JMJD1C: variants seen among roughly 807,000 people sequenced by gnomAD.
JMJD1C encodes jumonji domain containing 1C.
Under a neutral mutation model 245.3 loss-of-function variants are expected in JMJD1C, and 31 were observed. That is an observed-to-expected ratio of 0.13 (90% confidence interval 0.09 to 0.17). The LOEUF is 0.17. JMJD1C is among the 10% of genes least tolerant of loss of function. The pLI, the probability that JMJD1C is intolerant of heterozygous loss-of-function variation, is 1.00. For missense variants in JMJD1C, 2,691 were observed against 3,000.2 expected (o/e 0.90, Z 2.41); for synonymous variants, 1,057 against 1,017.4 (o/e 1.04, Z -0.74).
At chr10:63,175,169 T>A (rs1053343919) in intron 24 of JMJD1C, among the ~76,000 whole-genome samples, 5 of 152,186 alleles carry the variant, frequency 3.3e-5, no homozygotes, top group African/African-American at 1.2e-4. Context: ...TAGGCTCTTC[T>A]TTTGAGAGCA....
At chr10:63,181,699 A>G (rs1014873340) in intron 22 of JMJD1C, among the ~76,000 whole-genome samples, 3 of 152,220 alleles carry the variant, frequency 2.0e-5, no homozygotes, top group East Asian at 1.9e-4. Flanking sequence ...GGGGATATGC[A>G]TAAACAAAGA....
chr10:63,311,793 G>A lies in JMJD1C; in HGVS notation c.334-47029C>T, dbSNP rs1939234059. On this transcript the variant is annotated intron_variant, in intron 2 of 25. Coordinates refer to ENST00000399262, the MANE Select transcript of JMJD1C (RefSeq NM_032776.3). ...TGATTACTGATGGAGAAAGAGGAGAGCTGGATTAAAAAGAAGTACAAGAAC... is the reference window on the plus strand; with the variant it reads ...TGATTACTGATGGAGAAAGAGGAGAACTGGATTAAAAAGAAGTACAAGAAC... 2.0e-5 allele frequency among the ~76,000 whole-genome samples: 3 copies of A among 152,262 alleles called. No homozygotes were observed. In the South Asian group the frequency reaches 6.2e-4, roughly 32 times the overall value.
chr10:63,416,869 G>T (rs1333338621), intron 1 of JMJD1C, among the ~76,000 whole-genome samples: 2 of 152,004 alleles, frequency 1.3e-5, no homozygotes, highest in African/African-American at 2.4e-5. Context: ...CTAAACAATT[G>T]ATTTTTCAAT....
intron 10 of JMJD1C, among the ~76,000 whole-genome samples, chr10:63,205,191 T>G (rs535874289): frequency 6.6e-6 from 1 of 152,344 alleles, no homozygotes; most frequent in African/African-American, 2.4e-5. Context: ...GGCAATTCTT[T>G]AACATCGAAA....
chr10:63,287,214 A>C (rs967033229), intron 2 of JMJD1C, among the ~76,000 whole-genome samples: 6 of 152,226 alleles, frequency 3.9e-5, no homozygotes, highest in African/African-American at 1.4e-4. Flanking sequence ...AGGATTAGGA[A>C]GTTTTATTCA....
chr10:63,170,987 T>C (rs1374828073), intron 24 of JMJD1C, among the ~76,000 whole-genome samples: 1 of 152,232 alleles, frequency 6.6e-6, no homozygotes, highest in African/African-American at 2.4e-5. Context: ...AAGGTTATTA[T>C]ATTGACACTG....
intron 2 of JMJD1C, among the ~76,000 whole-genome samples, chr10:63,336,900 G>A (rs912246383): frequency 6.6e-6 from 1 of 152,004 alleles, no homozygotes. Context: ...GAGTGCAGTT[G>A]CGTGATTTTG....
intron 2 of JMJD1C, among the ~76,000 whole-genome samples, chr10:63,354,710 T>A (rs61853561): frequency 6.6e-6 from 1 of 151,766 alleles, no homozygotes; most frequent in East Asian, 1.9e-4. Flanking sequence ...AATTTTAATA[T>A]ATCTGAATTA....
chr10:63,207,575 T>C lies in JMJD1C; in HGVS notation c.4094A>G (p.His1365Arg), dbSNP rs1564606985. The part of the protein sequence containing the change: ...ILPNVNSDSV[H>R]TKSEKNFQAV... ...CTGAAAGTTTTTTTCAGATTTTGTG[T>C]GAACACTGTCTGAATTCACATTTGG... The change falls in exon 10 of 26, where the codon CAC (histidine) becomes CGC (arginine). Residue 1365 changes from histidine to arginine, a missense_variant. Physicochemically the swap from His to Arg is conservative, Grantham distance 29 (BLOSUM62 0). Coordinates refer to ENST00000399262, the MANE Select transcript of JMJD1C (RefSeq NM_032776.3). The C allele has an allele frequency of 5.0e-6, 8 of 1,614,238 alleles. No homozygotes were observed. Among genetic ancestry groups the C allele is most frequent in the Admixed American group, 1.7e-5 (1 of 60,028 alleles).
At chr10:63,222,687 G>A in intron 3 of JMJD1C, 1 of 1,540,216 alleles carries the variant, frequency 6.5e-7, no homozygotes, top group Non-Finnish European at 9.0e-7. Flanking sequence ...TCATTTGATG[G>A]TACCAAAGAA....
intron 3 of JMJD1C, among the ~76,000 whole-genome samples, chr10:63,251,411 G>A (rs1445198716): frequency 1.3e-5 from 2 of 152,108 alleles, no homozygotes; most frequent in Non-Finnish European, 2.9e-5. Context: ...GAATATATTA[G>A]TATTCCTATT....
At chr10:63,427,510 G>A in intron 1 of JMJD1C, 1 of 1,330,582 alleles carries the variant, frequency 7.5e-7, no homozygotes, top group Non-Finnish European at 1.1e-6. Context: ...ACTGTTTCCT[G>A]CCAATGTTCT....
chr10:63,294,739 A>AAAAAC (rs1456767834), intron 2 of JMJD1C, among the ~76,000 whole-genome samples: 1 of 152,222 alleles, frequency 6.6e-6, no homozygotes. Context: ...CTTGTTATTT[A>AAAAAC]TGCATGTATC....
At chr10:63,448,904 G>A (rs1196946781) in intron 1 of JMJD1C, among the ~76,000 whole-genome samples, 1 of 152,122 alleles carries the variant, frequency 6.6e-6, no homozygotes, top group Admixed American at 6.5e-5. Context: ...ATCACCTGAA[G>A]TCAGGAGTTC....
At chr10:63,254,783 C>T (rs1853623618) in intron 3 of JMJD1C, among the ~76,000 whole-genome samples, 2 of 152,036 alleles carry the variant, frequency 1.3e-5, no homozygotes, top group South Asian at 4.1e-4. Flanking sequence ...CTCCTGAGCT[C>T]AAGTGATCTG....
At chr10:63,237,917 T>A (rs1207873929) in intron 3 of JMJD1C, among the ~76,000 whole-genome samples, 2 of 142,406 alleles carry the variant, frequency 1.4e-5, no homozygotes, top group African/African-American at 2.6e-5. Flanking sequence ...ATGCCTGTAA[T>A]CCTAGCACTT....
At chr10:63,180,711 T>G (rs112786043) in intron 22 of JMJD1C, among the ~76,000 whole-genome samples, 1 of 152,200 alleles carries the variant, frequency 6.6e-6, no homozygotes, top group African/African-American at 2.4e-5. Flanking sequence ...CAAGCAATTC[T>G]CCTGCCTCAG....
chr10:63,521,813 G>A, exon 1 of JMJD1C: 2 of 256,680 alleles, frequency 7.8e-6, no homozygotes, highest in African/African-American at 2.5e-5. Flanking sequence ...CGACGGCGGC[G>A]GCGGCTGTGG....
intron 2 of JMJD1C, among the ~76,000 whole-genome samples, chr10:63,365,360 A>T (rs1009922292): frequency 2.6e-5 from 4 of 152,242 alleles, no homozygotes; most frequent in Admixed American, 6.5e-5. Flanking sequence ...CAAATCTTAA[A>T]TTGTCTGATC....
Sources: allele counts gnomAD v4.1 joint callset (sites outside exome capture counted in the v4.1 genomes callset), GRCh38; gene constraint gnomAD v4.1.1; transcripts MANE v1.5; gene names NCBI Gene and HGNC (gene_info 2026-07-23, HGNC 2026-07-21).